Variants in RBM10 observed in about 807,000 individuals in gnomAD.
The protein encoded by RBM10 is RNA-binding protein 10.
In RBM10, 1 loss-of-function variant was observed where a neutral mutation model predicts 84.9. The ratio of observed to expected loss-of-function variants is 0.01; its 90% confidence interval spans 0.00 to 0.06. The LOEUF is 0.06. RBM10 is among the 10% of genes least tolerant of loss of function. The pLI is 1.00. For synonymous variants in RBM10, 326 were observed against 344.5 expected (o/e 0.95, Z 0.60); for missense variants, 438 against 839.0 (o/e 0.52, Z 5.90).
chrX:47,162,798 C>T (rs1311877318), intron 2 of RBM10, among the ~76,000 whole-genome samples: 1 of 109,147 alleles, frequency 9.2e-6, no homozygotes, highest in Non-Finnish European at 1.9e-5. Flanking sequence ...CGCTTGAACC[C>T]GGGTGGAGGT....
In RBM10 at chrX:47,171,174, G is replaced by A; in HGVS notation, c.348G>A (p.Glu116=). The part of the protein sequence containing the change: ...DYRTEQGEEE[E]EEEDEEEEEK... ...GGACCGAGCAAGGGGAGGAGGAGGA[G>A]GAGGAGGAGGATGAGGAGGAGGAGG... The change falls in exon 4 of 24, where the codon GAG becomes GAA. Residue 116 remains glutamate, a synonymous_variant. Coordinates refer to ENST00000377604, the MANE Select transcript of RBM10 (RefSeq NM_005676.5). The A allele has an allele frequency of 8.3e-7, 1 of 1,208,694 alleles. No homozygotes were observed. The highest frequency in any genetic ancestry group is 1.1e-6 in the Non-Finnish European group (1 of 894,262).
intron 2 of RBM10, among the ~76,000 whole-genome samples, chrX:47,161,483 A>G (rs1017205920): frequency 1.0e-5 from 1 of 99,024 alleles, no homozygotes; most frequent in Non-Finnish European, 2.0e-5. Flanking sequence ...TAATGTTTTA[A>G]TATTTGCTAG....
intron 5 of RBM10, among the ~76,000 whole-genome samples, 179 bp downstream of exon 5, chrX:47,173,376 C>T (rs1934821289): frequency 8.9e-6 from 1 of 111,993 alleles, no homozygotes; most frequent in African/African-American, 3.2e-5. Context: ...ACAGCTCCAG[C>T]CAAAAGCCTC....
At chrX:47,155,604 G>T (rs1239221467) in intron 2 of RBM10, among the ~76,000 whole-genome samples, 1 of 105,267 alleles carries the variant, frequency 9.5e-6, no homozygotes, top group Non-Finnish European at 1.9e-5. Flanking sequence ...GTGGTGGCGG[G>T]CGCCTGTAGT....
intron 17 of RBM10, among the ~76,000 whole-genome samples, chrX:47,182,710 G>A (rs1487045602): frequency 8.9e-6 from 1 of 112,610 alleles, no homozygotes; most frequent in Admixed American, 9.4e-5. Context: ...GTGGGAGTGG[G>A]CAGATGGAGG....
intron 22 of RBM10, 35 bp downstream of exon 22, chrX:47,186,206 C>T (rs781882349): frequency 4.1e-6 from 5 of 1,209,209 alleles, no homozygotes; most frequent in Non-Finnish European, 5.6e-6. Flanking sequence ...GGTCTGGAGC[C>T]CGGGGCCGGG....
At chrX:47,171,393 G>A in intron 4 of RBM10, 135 bp downstream of exon 4, 1 of 991,276 alleles carries the variant, frequency 1.0e-6, no homozygotes, top group Non-Finnish European at 1.3e-6. Context: ...CTATCCCCCA[G>A]CACTGATCCG....
chrX:47,147,642 G>C, intron 2 of RBM10, 144 bp downstream of exon 2: 1 of 758,049 alleles, frequency 1.3e-6, no homozygotes, highest in Non-Finnish European at 2.0e-6. Context: ...CAGGTGTTTG[G>C]CACCTGTTGT....
At position 47,169,907 on chromosome X, in the gene RBM10, G is replaced by A. The variant is rs782119154; in HGVS notation, c.201+409G>A. ...GCAGACCACCAAGCTGAGGAGCTCT[G>A]GGAGGCCAGCCATGGGCATTCCCAG... On this transcript the variant is annotated intron_variant, in intron 3 of 23. Coordinates refer to ENST00000377604, the MANE Select transcript of RBM10 (RefSeq NM_005676.5). Among the ~76,000 whole-genome samples the A allele has an allele frequency of 1.5e-3, 166 of 112,624 alleles. 2 individuals carry two copies. Among genetic ancestry groups the A allele is most frequent in the African/African-American group, 5.0e-3 (156 of 31,080 alleles).
chrX:47,178,990 G>A, intron 7 of RBM10, 113 bp from the exon 8 acceptor site: 1 of 1,163,366 alleles, frequency 8.6e-7, no homozygotes, highest in Non-Finnish European at 1.1e-6. Flanking sequence ...CCATTGCCTA[G>A]GGGCTTTCCT....
intron 6 of RBM10, among the ~76,000 whole-genome samples, chrX:47,175,893 T>G: frequency 9.1e-6 from 1 of 110,423 alleles, no homozygotes; most frequent in South Asian, 3.9e-4. Context: ...GAGAGCAGTT[T>G]CAGGGGAGGA....
At chrX:47,173,329 G>A in intron 5 of RBM10, 132 bp downstream of exon 5, 1 of 1,152,230 alleles carries the variant, frequency 8.7e-7, no homozygotes, top group Admixed American at 2.6e-5. Context: ...AGCGTGGGGG[G>A]TGCCCTCTCT....
intron 2 of RBM10, among the ~76,000 whole-genome samples, chrX:47,167,011 G>A (rs1165878061): frequency 1.8e-5 from 2 of 109,895 alleles, no homozygotes; most frequent in Non-Finnish European, 3.8e-5. Context: ...TCTGGACCTT[G>A]TGATCCGCCT....
In RBM10 at chrX:47,186,248, G is replaced by GC; in HGVS notation, c.2538-6dup. The GC allele has an allele frequency of 6.6e-6, 8 of 1,210,113 alleles. No homozygotes were observed. Among genetic ancestry groups the GC allele is most frequent in the Non-Finnish European group, 8.9e-6 (8 of 894,429 alleles). On this transcript the variant is annotated splice_polypyrimidine_tract_variant and intron_variant, in intron 22 of 23. Coordinates refer to ENST00000377604, the MANE Select transcript of RBM10 (RefSeq NM_005676.5). ...AGGCCGACCACTCATGCTGTGCACC[G>GC]CCCCTGCAGAGACTTCGAGCAGCCT...
intron 9 of RBM10, 150 bp from the exon 10 acceptor site, chrX:47,179,730 G>A (rs1935389745): frequency 1.2e-6 from 1 of 865,261 alleles, no homozygotes; most frequent in African/African-American, 2.0e-5. Context: ...CCGCCAAGCA[G>A]AGTTGATCCT....
At chrX:47,165,438 C>T (rs1258993654) in intron 2 of RBM10, among the ~76,000 whole-genome samples, 5 of 105,011 alleles carry the variant, frequency 4.8e-5, no homozygotes, top group African/African-American at 1.4e-4. Flanking sequence ...TCGCTTGAAC[C>T]CGGGAGGCAG....
In RBM10 at chrX:47,186,083, C is replaced by T. The variant is rs2147222681; in HGVS notation, c.2449C>T (p.Arg817Cys). 1 of 1,212,402 alleles carries T rather than the reference C, an allele frequency of 8.2e-7. No individual in the cohort carries two copies. Among genetic ancestry groups the T allele is most frequent in the Non-Finnish European group, 1.1e-6 (1 of 895,546 alleles). The part of the protein sequence containing the change: ...NDMEQMKYRD[R>C]AAERREKYGI... ...CTTTCAGCAAATGAAGTACCGGGAC[C>T]GTGCAGCTGAACGCAGAGAAAAGTA... The change falls in exon 22 of 24, where the codon CGT becomes TGT. Residue 817 changes from arginine to cysteine, a missense_variant. Physicochemically the swap from Arg to Cys is radical, Grantham distance 180. Around this residue, in one of 8 missense-constraint regions of RBM10, gnomAD observed 92 missense variants for 199.9 expected, o/e 0.46. Coordinates refer to ENST00000377604, the MANE Select transcript of RBM10 (RefSeq NM_005676.5).
chrX:47,156,833 T>G (rs1322553818), intron 2 of RBM10: 3 of 191,920 alleles, frequency 1.6e-5, no homozygotes, highest in African/African-American at 3.1e-5. Flanking sequence ...TCTGCTTGCC[T>G]GCTAGGCTGC....
chrX:47,178,149 C>T (rs1257869903), intron 7 of RBM10, among the ~76,000 whole-genome samples: 1 of 111,557 alleles, frequency 9.0e-6, no homozygotes, highest in Non-Finnish European at 1.9e-5. Context: ...CCTCTGACTA[C>T]CCACGCCTCT....
Sources: gnomAD v4.1 joint callset for allele counts (sites outside exome capture counted in the v4.1 genomes callset) on GRCh38, gnomAD v4.1.1 for gene constraint, gnomAD v4.1.1 regional missense constraint, MANE v1.5 for transcripts, NCBI Gene and HGNC (gene_info 2026-07-23, HGNC 2026-07-21) for gene names.